Variants in LOC128462377 observed in about 807,000 individuals in gnomAD.
the LOC128462377 span, among the ~76,000 whole-genome samples, chr16:89,386,056 T>G: frequency 6.6e-6 from 1 of 152,210 alleles, no homozygotes; most frequent in African/African-American, 2.4e-5. Context: ...CTGGGTCCAA[T>G]TTGTCTGCAA....
At chr16:89,317,560 C>G in the LOC128462377 span, among the ~76,000 whole-genome samples, 1 of 152,174 alleles carries the variant, frequency 6.6e-6, no homozygotes, top group Non-Finnish European at 1.5e-5. Context: ...TGGGAAGGAG[C>G]TCCTGTCCCC....
the LOC128462377 span, among the ~76,000 whole-genome samples, chr16:89,333,865 G>A: frequency 6.6e-6 from 1 of 152,124 alleles, no homozygotes; most frequent in Non-Finnish European, 1.5e-5. Context: ...ATTATTCTGT[G>A]AGTATGTTCC....
the LOC128462377 span, among the ~76,000 whole-genome samples, chr16:89,318,374 C>T: frequency 6.6e-6 from 1 of 152,252 alleles, no homozygotes; most frequent in Non-Finnish European, 1.5e-5. Flanking sequence ...CCCATCATGT[C>T]CTCGCCGCAC....
At chr16:89,393,882 T>A in the LOC128462377 span, among the ~76,000 whole-genome samples, 98 of 151,976 alleles carry the variant, frequency 6.4e-4, no homozygotes, top group African/African-American at 2.3e-3. Flanking sequence ...ATGAGGAAAA[T>A]GTGTCAAAAA....
the LOC128462377 span, among the ~76,000 whole-genome samples, chr16:89,359,970 G>T: frequency 4.0e-5 from 6 of 151,252 alleles, no homozygotes; most frequent in East Asian, 1.9e-4. Context: ...GGCAGTGGGC[G>T]GGGGGGGAGG....
the LOC128462377 span, among the ~76,000 whole-genome samples, chr16:89,353,149 C>T: frequency 6.6e-6 from 1 of 152,078 alleles, no homozygotes; most frequent in African/African-American, 2.4e-5. Context: ...CAAGACCAGC[C>T]TGGCCAATAT....
chr16:89,330,188 G>T, the LOC128462377 span, among the ~76,000 whole-genome samples: 1 of 151,990 alleles, frequency 6.6e-6, no homozygotes, highest in Non-Finnish European at 1.5e-5. Flanking sequence ...CTTCAAAAAG[G>T]AAGAGGAAGC....
chr16:89,331,618 G>C, the LOC128462377 span, among the ~76,000 whole-genome samples: 3 of 152,036 alleles, frequency 2.0e-5, no homozygotes, highest in Non-Finnish European at 1.5e-5. Context: ...TCAGGAGATA[G>C]AGATTTATAG....
chr16:89,380,442 A>G, the LOC128462377 span, among the ~76,000 whole-genome samples: 1 of 152,050 alleles, frequency 6.6e-6, no homozygotes, highest in African/African-American at 2.4e-5. Flanking sequence ...CTTTTCTCCT[A>G]AGTGGATTAG....
chr16:89,391,185 G>A, the LOC128462377 span, among the ~76,000 whole-genome samples: 8 of 146,316 alleles, frequency 5.5e-5, no homozygotes, highest in Admixed American at 4.9e-4. Context: ...CCGAGATCGC[G>A]CCACTGAACT....
chr16:89,409,759 A>G, the LOC128462377 span, among the ~76,000 whole-genome samples: 3 of 152,252 alleles, frequency 2.0e-5, no homozygotes, highest in Non-Finnish European at 4.4e-5. Context: ...GGCATTTTAT[A>G]GGATTTCTTT....
chr16:89,328,711 G>A, the LOC128462377 span, among the ~76,000 whole-genome samples: 6 of 145,042 alleles, frequency 4.1e-5, no homozygotes, highest in Non-Finnish European at 9.0e-5. Context: ...ATCAGTGGAG[G>A]CCCCTGCTGA....
At chr16:89,378,224 A>C in the LOC128462377 span, among the ~76,000 whole-genome samples, 3 of 152,168 alleles carry the variant, frequency 2.0e-5, no homozygotes, top group South Asian at 6.2e-4. Context: ...TGTATATGTC[A>C]GTGTTGGATT....
the LOC128462377 span, among the ~76,000 whole-genome samples, chr16:89,382,361 T>C: frequency 1.3e-5 from 2 of 152,126 alleles, no homozygotes; most frequent in African/African-American, 4.8e-5. Context: ...AGTCTCGTTC[T>C]GTCACCCAGG....
chr16:89,338,468 C>G, the LOC128462377 span, among the ~76,000 whole-genome samples: 1 of 150,168 alleles, frequency 6.7e-6, no homozygotes, highest in Non-Finnish European at 1.5e-5. Context: ...TGGCTCACAC[C>G]TGTGTAATCC....
At chr16:89,320,769 G>A in the LOC128462377 span, among the ~76,000 whole-genome samples, 3 of 152,276 alleles carry the variant, frequency 2.0e-5, no homozygotes, top group African/African-American at 7.2e-5. Context: ...AGTGGACAGT[G>A]TCTGCGGCCA....
the LOC128462377 span, among the ~76,000 whole-genome samples, chr16:89,396,814 G>A: frequency 6.6e-6 from 1 of 152,112 alleles, no homozygotes; most frequent in Non-Finnish European, 1.5e-5. Context: ...AGCCTCCCGA[G>A]TAGCTGGGAC....
At chr16:89,406,996 A>G in the LOC128462377 span, among the ~76,000 whole-genome samples, 1 of 151,998 alleles carries the variant, frequency 6.6e-6, no homozygotes, top group African/African-American at 2.4e-5. Context: ...ACCAGCCTGG[A>G]CAATATGGTG....
chr16:89,393,197 C>T, the LOC128462377 span, among the ~76,000 whole-genome samples: 11 of 152,180 alleles, frequency 7.2e-5, no homozygotes, highest in African/African-American at 2.4e-4. Flanking sequence ...CTTGAGAGCA[C>T]GACGCCAGCC....
Sources: allele counts gnomAD v4.1 joint callset (sites outside exome capture counted in the v4.1 genomes callset), GRCh38; gene constraint gnomAD v4.1.1; transcripts MANE v1.5.